Variants in HSPG2 observed in about 807,000 individuals in gnomAD.
HSPG2 encodes the protein heparan sulfate proteoglycan 2, also known as basement membrane-specific heparan sulfate proteoglycan core protein.
HSPG2 carries 278 observed loss-of-function variants against 526.6 expected under a neutral mutation model. The ratio of observed to expected loss-of-function variants is 0.53; its 90% CI spans 0.48 to 0.58. The LOEUF is 0.58. Among genes scored for constraint, HSPG2 ranks in the 20% least tolerant of loss-of-function variants. The pLI is 0.00. For missense variants in HSPG2, 5,354 were observed against 6,099.5 expected, an observed-to-expected ratio of 0.88 and a Z score of 4.07; for synonymous variants, 2,465 against 2,555.4, an observed-to-expected ratio of 0.96 and a Z score of 1.07.
intron 44 of HSPG2, among the ~76,000 whole-genome samples, chr1:21,856,214 T>C (rs1639327030): frequency 6.6e-6 from 1 of 152,124 alleles, no homozygotes; most frequent in African/African-American, 2.4e-5. Context: ...AGCCACGTGG[T>C]CTCTGCTGTT....
intron 1 of HSPG2, among the ~76,000 whole-genome samples, chr1:21,899,239 A>G (rs1642958556): frequency 6.6e-6 from 1 of 152,178 alleles, no homozygotes; most frequent in African/African-American, 2.4e-5. Flanking sequence ...CTGAAGATCA[A>G]AAGGTTCCAG....
At chr1:21,915,191 G>A (rs1249006673) in intron 1 of HSPG2, among the ~76,000 whole-genome samples, 1 of 58,860 alleles carries the variant, frequency 1.7e-5, no homozygotes, top group South Asian at 1.1e-3. Flanking sequence ...GCGTTAGAGC[G>A]GGCAGGGTGC....
chr1:21,853,950 A>G (rs1639124979), intron 50 of HSPG2: 2 of 537,002 alleles, frequency 3.7e-6, no homozygotes. Context: ...TTAGTATTCA[A>G]CCTGGACATT....
In HSPG2 at chr1:21,885,383, G is replaced by A. The variant is rs1414092506; in HGVS notation, c.1147C>T (p.Pro383Ser). The change falls in exon 10 of 97, where the codon CCA (proline) becomes TCA (serine). Residue 383 changes from proline (P) to serine (S), a missense_variant. By Grantham distance (74) the Pro-to-Ser change is moderately conservative. Transcript: ENST00000374695. ...TCCTCGTCACAGTGGAAGCTGGCTG[G>A]GATGCACATGTTGGTAGAGACGCAT... Reference protein sequence around the residue: ...FRCVSTNMCIPASFHCDEESD... With the variant: ...FRCVSTNMCISASFHCDEESD... The A allele has an allele frequency of 3.1e-6, 5 of 1,614,094 alleles. No individual in the cohort carries two copies. The highest frequency in any genetic ancestry group is 4.2e-6 in the Non-Finnish European group (5 of 1,180,006).
chr1:21,870,150 C>T, intron 33 of HSPG2: 1 of 735,534 alleles, frequency 1.4e-6, no homozygotes, highest in Non-Finnish European at 1.7e-6. Flanking sequence ...TGCCTGGACT[C>T]AGCTCTCTGG....
intron 39 of HSPG2, among the ~76,000 whole-genome samples, chr1:21,860,756 A>G (rs1419226015): frequency 1.3e-5 from 2 of 152,164 alleles, no homozygotes; most frequent in African/African-American, 2.4e-5. Flanking sequence ...AAGTGCTGGG[A>G]TTATAGGCAT....
intron 17 of HSPG2, among the ~76,000 whole-genome samples, chr1:21,879,566 T>C (rs909090616): frequency 1.3e-5 from 2 of 152,154 alleles, no homozygotes; most frequent in African/African-American, 4.8e-5. Context: ...CTGCAGGCCA[T>C]GCTTCTTCAT....
chr1:21,872,861 G>A lies in HSPG2; in HGVS notation c.3889-101C>T. 1 of 1,550,832 alleles carries A rather than the reference G, an allele frequency of 6.4e-7. No homozygotes were observed. ...TCCCTGGCCACTTCCAGCAGCCCCG[G>A]GCAGCCCCTGCCCTGTCCCCCATGC... On this transcript the variant is annotated intron_variant, in intron 31 of 96. Transcript: ENST00000374695. The surrounding 1 kb of genome is among the most constrained non-coding windows in gnomAD (Gnocchi z 5.5).
Position 21,876,541 on chromosome 1 carries a change from A to G in HSPG2, c.2797T>C (p.Cys933Arg), listed in dbSNP as rs1340318061. The G allele has an allele frequency of 6.2e-7, 1 of 1,614,210 alleles. No individual in the cohort carries two copies. Among genetic ancestry groups the G allele is most frequent in the Non-Finnish European group, 8.5e-7 (1 of 1,180,034 alleles). ...KCFCMGVSRH[C>R]TSSSWSRAQL... ...GCACGGCTCCATGAAGAGCTGGTGC[A>G]GTGGCGACTGACACCCATGCAGAAG... Residue 933 changes from cysteine to arginine, a missense_variant, in exon 22 of 97, where the codon TGC (cysteine) becomes CGC (arginine). Physicochemically the swap from Cys to Arg is radical, Grantham distance 180 (BLOSUM62 -3). Coordinates refer to ENST00000374695, the MANE Select transcript of HSPG2 (RefSeq NM_005529.7).
Position 21,876,290 on chromosome 1 carries a change from AAGG to A in HSPG2, c.2939_2941del (p.Ser980del). The A allele has an allele frequency of 5.6e-6, 9 of 1,614,006 alleles. No individual in the cohort carries two copies. The highest frequency in any genetic ancestry group is 6.8e-6 in the Non-Finnish European group (8 of 1,179,990). On this transcript the variant is annotated inframe_deletion, in exon 23 of 97. Transcript: ENST00000374695. The stretch of plus-strand genomic sequence containing the variant: ...GTAGGGTCCAGATAAGAGTCTGTGG[AAGG>A]AGGAGAATCCCAGTTCCCCGGGCGT...
In HSPG2 at chr1:21,873,051, G is replaced by A; in HGVS notation, c.3834C>T (p.Asp1278=). The change falls in exon 31 of 97, where the codon GAC becomes GAT. Residue 1278 remains aspartate, a synonymous_variant. Coordinates refer to ENST00000374695, the MANE Select transcript of HSPG2 (RefSeq NM_005529.7). ...QVPGPIGCNC[D]PQGSVSSQCD... is the part of the protein sequence containing the mutation. ...ACTGGCTGCTGACGCTGCCTTGGGG[G>A]TCACAGTTGCAGCCTATGGGCCCTG... 1 of 1,604,528 alleles carries A rather than the reference G, an allele frequency of 6.2e-7. No homozygotes were observed. Among genetic ancestry groups the A allele is most frequent in the Admixed American group, 1.7e-5 (1 of 60,030 alleles).
At chr1:21,914,817 C>T (rs965270545) in intron 1 of HSPG2, among the ~76,000 whole-genome samples, 3 of 152,212 alleles carry the variant, frequency 2.0e-5, no homozygotes, top group Non-Finnish European at 2.9e-5. Flanking sequence ...AAGCTCCTCC[C>T]CGGGCAGGTG....
At chr1:21,924,423 G>A (rs1366186489) in intron 1 of HSPG2, among the ~76,000 whole-genome samples, 9 of 152,208 alleles carry the variant, frequency 5.9e-5, no homozygotes, top group Admixed American at 5.9e-4. Flanking sequence ...ACATGGGATT[G>A]GTGATATGGT....
rs934275530 is a variant in HSPG2 at position 21,859,762 on chromosome 1, G to A, written c.5182+73C>T. ...ATGCACAAGGACAGCATCCCACTAG[G>A]GCAGGGACAGGCCCCTGCCTCCCCT... On this transcript the variant is annotated intron_variant, in intron 41 of 96. Coordinates refer to ENST00000374695, the MANE Select transcript of HSPG2 (RefSeq NM_005529.7). The surrounding 1 kb of genome is among the most constrained non-coding windows in gnomAD (Gnocchi z 5.3). 1.3e-6 allele frequency: 2 copies of A among 1,591,932 alleles called. No individual in the cohort carries two copies. Among genetic ancestry groups the A allele is most frequent in the South Asian group, 2.3e-5 (2 of 88,140 alleles).
chr1:21,852,110 C>T lies in HSPG2; in HGVS notation c.6848G>A (p.Gly2283Asp), dbSNP rs111507574. ...TACCTGGTGCCGGGCAGGGAGGCTG[C>T]CCCCACGCTTGTACCATGTGACCTG... The part of the protein sequence containing the change: ...HAQVTWYKRG[G>D]SLPARHQVRG... The change falls in exon 53 of 97, where the codon GGC becomes GAC. Residue 2283 changes from glycine to aspartate, a missense_variant. Physicochemically the swap from Gly to Asp is moderately conservative, Grantham distance 94. Transcript: ENST00000374695. 5.0e-6 allele frequency: 8 copies of T among 1,613,588 alleles called. No homozygotes were observed. In the African/African-American group the frequency reaches 6.7e-5, roughly 13 times the overall value.
chr1:21,881,108 G>A (rs528995413), intron 14 of HSPG2, among the ~76,000 whole-genome samples: 1 of 152,350 alleles, frequency 6.6e-6, no homozygotes, highest in East Asian at 1.9e-4. Flanking sequence ...CCAGGCATGG[G>A]GGAGTGGTCA....
rs1422540476 is a variant in HSPG2 at position 21,864,703 on chromosome 1, G to T, written c.4626+140C>A. The stretch of plus-strand genomic sequence containing the variant: ...GGATAATGATATGTAACTCAGGGCT[G>T]TCGGGAGGAATACATGCAGGGCCCA... On this transcript the variant is annotated intron_variant, in intron 36 of 96. Transcript: ENST00000374695. This position sits in a 1 kb window ranked among gnomAD's most constrained non-coding sequence, Gnocchi z 4.8. The T allele has an allele frequency of 1.4e-6, 1 of 740,490 alleles. No homozygotes were observed. The highest frequency in any genetic ancestry group is 2.3e-6 in the Non-Finnish European group (1 of 428,576). 45.9% of individuals were successfully genotyped at this position (740,490 alleles called of 1,614,324 possible). A position where few individuals can be genotyped will look rare whatever the true frequency, so the allele number is the denominator to read the frequency against.
Position 21,823,097 on chromosome 1 carries a change from C to T in HSPG2, c.*219G>A. Reference sequence around the variant, plus strand: ...AAGTCCTGGTGACTTTCTGAGGTGCCCACTCCCATCCAACCTGCCTTGCTG... The same window carrying T: ...AAGTCCTGGTGACTTTCTGAGGTGCTCACTCCCATCCAACCTGCCTTGCTG... On this transcript the variant is annotated 3_prime_UTR_variant, in exon 97 of 97. Coordinates refer to ENST00000374695, the MANE Select transcript of HSPG2 (RefSeq NM_005529.7). 1 of 473,200 alleles carries T rather than the reference C, an allele frequency of 2.1e-6. No individual in the cohort carries two copies. Among genetic ancestry groups the T allele is most frequent in the South Asian group, 4.3e-5 (1 of 23,430 alleles). The allele number at this position is 473,200 out of a possible 1,614,324, so 29.3% of individuals were successfully genotyped here.
chr1:21,908,518 G>T (rs1208628832), intron 1 of HSPG2: 2 of 958,798 alleles, frequency 2.1e-6, no homozygotes, highest in Non-Finnish European at 3.4e-6. Flanking sequence ...AGCACACTTT[G>T]TGAGAACCAA....
Sources: allele counts gnomAD v4.1 joint callset (sites outside exome capture counted in the v4.1 genomes callset), GRCh38; gene constraint gnomAD v4.1.1; non-coding constraint Gnocchi (gnomAD v3.1); transcripts MANE v1.5; gene names NCBI Gene and HGNC (gene_info 2026-07-23, HGNC 2026-07-21).